Variants in RSC1A1 observed in about 807,000 individuals in gnomAD.
RSC1A1 encodes the protein regulatory solute carrier protein family 1 member 1.
RSC1A1 carries 6 observed loss-of-function variants against 7.7 expected under a neutral mutation model. That is an observed-to-expected ratio of 0.78 (90% CI 0.43 to 1.53). RSC1A1 has a LOEUF of 1.53. Ranked by LOEUF, RSC1A1 falls within the 40% of genes most tolerant of loss-of-function variation. The pLI, the probability that RSC1A1 is intolerant of heterozygous loss-of-function variation, is 0.01. For missense variants in RSC1A1, 729 were observed against 726.3 expected, an observed-to-expected ratio of 1.00 and a Z score of -0.04; for synonymous variants, 250 against 263.0, an observed-to-expected ratio of 0.95 and a Z score of 0.48.
Position 15,659,774 on chromosome 1 carries a change from G to C in RSC1A1, c.-95G>C. On this transcript the variant is annotated 5_prime_UTR_variant, in exon 1 of 1. Transcript: ENST00000345034. The stretch of plus-strand genomic sequence containing the variant: ...ACGCTGTTTAGATTTGTATCCTCTG[G>C]TAATTTAGTGGCATTAGTCACCTGC... The C allele has an allele frequency of 6.9e-7, 1 of 1,456,040 alleles. No individual in the cohort carries two copies. Among genetic ancestry groups the C allele is most frequent in the Non-Finnish European group, 9.0e-7 (1 of 1,105,558 alleles). The allele number at this position is 1,456,040 out of a possible 1,614,324, so 90.2% of individuals were successfully genotyped here.
chr1:15,659,821 C>T lies in RSC1A1; in HGVS notation c.-48C>T, dbSNP rs1486590914. ...CTGCTAATTAATCTTTTTCCTTTCC[C>T]CTGTGTTCCATATAGAGAAAAGTGG... On this transcript the variant is annotated 5_prime_UTR_variant, in exon 1 of 1. Transcript: ENST00000345034. 7.3e-6 allele frequency: 11 copies of T among 1,501,470 alleles called. No individual in the cohort carries two copies. The South Asian group carries it at 8.4e-5, about 11-fold the overall frequency. 93.0% of individuals were successfully genotyped at this position (1,501,470 alleles called of 1,614,324 possible).
rs946168584 is a variant in RSC1A1 at position 15,661,947 on chromosome 1, A to C, written c.*225A>C. 3.3e-5 allele frequency: 18 copies of C among 543,414 alleles called. No individual in the cohort carries two copies. The highest frequency in any genetic ancestry group is 2.5e-4 in the African/African-American group (13 of 51,974). 33.7% of individuals were successfully genotyped at this position (543,414 alleles called of 1,614,324 possible). ...TACTTGTTAAAATTTAGGCCTTTTT[A>C]AATGTATTGGCAGTATGTGCATACA... On this transcript the variant is annotated 3_prime_UTR_variant, in exon 1 of 1. Transcript: ENST00000345034.
Position 15,660,807 on chromosome 1 carries a change from A to G in RSC1A1, c.939A>G (p.Pro313=). Reference sequence around the variant, plus strand: ...TTTCCACTCAGGATTTACAGCCCCCAGAAACTAATGTTGAAATACCTGGAA... The same window carrying G: ...TTTCCACTCAGGATTTACAGCCCCCGGAAACTAATGTTGAAATACCTGGAA... ...DSISTQDLQP[P]ETNVEIPGTN... is the part of the protein sequence containing the mutation. Residue 313 remains proline (P), a synonymous_variant, in exon 1 of 1, where the codon CCA becomes CCG. Coordinates refer to ENST00000345034, the MANE Select transcript of RSC1A1 (RefSeq NM_006511.3). 6.2e-7 allele frequency: 1 copy of G among 1,614,192 alleles called. No individual in the cohort carries two copies. Among genetic ancestry groups the G allele is most frequent in the African/African-American group, 1.3e-5 (1 of 75,064 alleles).
chr1:15,661,783 T>C lies in RSC1A1; in HGVS notation c.*61T>C. 7.2e-6 allele frequency: 11 copies of C among 1,523,586 alleles called. No homozygotes were observed. The highest frequency in any genetic ancestry group is 9.7e-6 in the Non-Finnish European group (11 of 1,136,964). 94.4% of individuals were successfully genotyped at this position (1,523,586 alleles called of 1,614,324 possible). Reference sequence around the variant, plus strand: ...TTTAAACAAAAGAAAGCTCTCTCTATATACACGCACACATACACACTCACC... The same window carrying C: ...TTTAAACAAAAGAAAGCTCTCTCTACATACACGCACACATACACACTCACC... On this transcript the variant is annotated 3_prime_UTR_variant, in exon 1 of 1. Transcript: ENST00000345034.
Position 15,660,581 on chromosome 1 carries a change from A to G in RSC1A1, c.713A>G (p.Glu238Gly). Residue 238 changes from glutamate to glycine, a missense_variant, in exon 1 of 1, where the codon GAA (glutamate) becomes GGA (glycine). Glu to Gly is a moderately conservative substitution (Grantham distance 98). Coordinates refer to ENST00000345034, the MANE Select transcript of RSC1A1 (RefSeq NM_006511.3). ...PSAKKSIPSSECSGCSNSETF... is the reference protein window; with the variant it reads ...PSAKKSIPSSGCSGCSNSETF... ...GCGAAGAAAAGTATTCCATCTTCAG[A>G]ATGCAGTGGCTGCTCAAATTCAGAA... 1 of 1,613,820 alleles carries G rather than the reference A, an allele frequency of 6.2e-7. No individual in the cohort carries two copies. The highest frequency in any genetic ancestry group is 1.7e-4 in the Middle Eastern group (1 of 6,060).
rs1482387402 is a variant in RSC1A1 at position 15,661,564 on chromosome 1, A to G, written c.1696A>G (p.Ile566Val). 1.9e-6 allele frequency: 3 copies of G among 1,614,216 alleles called. No homozygotes were observed. The highest frequency in any genetic ancestry group is 1.6e-4 in the Middle Eastern group (1 of 6,062). ...CAGCCATCCATCATCAAGTCCTGCC[A>G]TTCTTCCACCATTGATTTTTCCTGC... is the stretch of plus-strand genomic sequence containing the variant. ...PTSHPSSSPA[I>V]LPPLIFPATD... The change falls in exon 1 of 1, where the codon ATT (isoleucine) becomes GTT (valine). Residue 566 changes from isoleucine (I) to valine (V), a missense_variant. Coordinates refer to ENST00000345034, the MANE Select transcript of RSC1A1 (RefSeq NM_006511.3).
chr1:15,660,776 A>G lies in RSC1A1; in HGVS notation c.908A>G (p.Asp303Gly). The G allele has an allele frequency of 6.2e-7, 1 of 1,613,938 alleles. No individual in the cohort carries two copies. Among genetic ancestry groups the G allele is most frequent in the Non-Finnish European group, 8.5e-7 (1 of 1,180,000 alleles). The change falls in exon 1 of 1, where the codon GAT (aspartate) becomes GGT (glycine). Residue 303 changes from aspartate (D) to glycine (G), a missense_variant. Coordinates refer to ENST00000345034, the MANE Select transcript of RSC1A1 (RefSeq NM_006511.3). ...AACCCTTCATCTGAAATTTTGAATG[A>G]TTCCATTTCCACTCAGGATTTACAG... Reference protein sequence around the residue: ...KCNPSSEILNDSISTQDLQPP... With the variant: ...KCNPSSEILNGSISTQDLQPP...
Position 15,661,695 on chromosome 1 carries a change from C to T in RSC1A1, c.1827C>T (p.Leu609=), listed in dbSNP as rs200228515. ...GNADLALLVL[L]AKNIVVPT ...CAGACCTTGCACTTCTTGTTTTGCT[C>T]GCAAAAAACATCGTAGTTCCTACAT... The change falls in exon 1 of 1, where the codon CTC becomes CTT. Residue 609 remains leucine, a synonymous_variant. Transcript: ENST00000345034. 6 of 1,608,380 alleles carry T rather than the reference C, an allele frequency of 3.7e-6. No homozygotes were observed. The highest frequency in any genetic ancestry group is 3.3e-5 in the South Asian group (3 of 90,256).
Position 15,660,428 on chromosome 1 carries a change from A to G in RSC1A1, c.560A>G (p.Gln187Arg), listed in dbSNP as rs1426749447. The G allele has an allele frequency of 2.5e-6, 4 of 1,613,964 alleles. No individual in the cohort carries two copies. The highest frequency in any genetic ancestry group is 1.3e-5 in the African/African-American group (1 of 74,924). ...EVAQQKASHD[Q>R]EYLCNIGDLE... Reference sequence around the variant, plus strand: ...GCACAACAAAAAGCTTCACATGACCAAGAATATCTTTGTAACATAGGGGAC... The same window carrying G: ...GCACAACAAAAAGCTTCACATGACCGAGAATATCTTTGTAACATAGGGGAC... The change falls in exon 1 of 1, where the codon CAA (glutamine) becomes CGA (arginine). Residue 187 changes from glutamine to arginine, a missense_variant. By Grantham distance (43) the Gln-to-Arg change is conservative. Coordinates refer to ENST00000345034, the MANE Select transcript of RSC1A1 (RefSeq NM_006511.3).
In RSC1A1 at chr1:15,661,418, A is replaced by G. The variant is rs1437118087; in HGVS notation, c.1550A>G (p.Asn517Ser). 11 of 1,614,058 alleles carry G rather than the reference A, an allele frequency of 6.8e-6. No homozygotes were observed. The highest frequency in any genetic ancestry group is 2.7e-5 in the African/African-American group (2 of 74,928). The change falls in exon 1 of 1, where the codon AAT (asparagine) becomes AGT (serine). Residue 517 changes from asparagine (N) to serine (S), a missense_variant. Transcript: ENST00000345034. ...GAGCAAACTAAGTCTTTGTCATCCA[A>G]TTTCATATTGGTTAAAGACTTAGGT... ...TSEQTKSLSSNFILVKDLGQG... is the reference protein window; with the variant it reads ...TSEQTKSLSSSFILVKDLGQG...
the RSC1A1 span, chr1:15,661,406 C>CT: frequency 2.3e-5 from 37 of 1,614,046 alleles, no homozygotes; most frequent in Admixed American, 6.2e-4. Flanking sequence ...CAAACTAAGT[C>CT]TTTGTCATCC....
Position 15,660,678 on chromosome 1 carries a change from C to G in RSC1A1, c.810C>G (p.Ala270=). Residue 270 remains alanine, a synonymous_variant, in exon 1 of 1, where the codon GCC becomes GCG. Transcript: ENST00000345034. ...TLLNSTGRQN[A]NVKNIGALDL... ...TTAATTCAACAGGCAGGCAGAATGC[C>G]AATGTCAAGAACATTGGTGCATTGG... 1 of 1,614,182 alleles carries G rather than the reference C, an allele frequency of 6.2e-7. No homozygotes were observed. The highest frequency in any genetic ancestry group is 8.5e-7 in the Non-Finnish European group (1 of 1,180,042).
chr1:15,659,928 TC>T, the RSC1A1 span: 1 of 1,613,184 alleles, frequency 6.2e-7, no homozygotes, highest in South Asian at 1.1e-5. Flanking sequence ...CAGGACAGAG[TC>T]CTGATGTTGG....
Position 15,661,546 on chromosome 1 carries a change from C to T in RSC1A1, c.1678C>T (p.Pro560Ser), listed in dbSNP as rs147909929. The part of the protein sequence containing the change: ...LLEYEPPTSH[P>S]SSSPAILPPL... Reference sequence around the variant, plus strand: ...TGAATATGAACCACCTACCAGCCATCCATCATCAAGTCCTGCCATTCTTCC... The same window carrying T: ...TGAATATGAACCACCTACCAGCCATTCATCATCAAGTCCTGCCATTCTTCC... The change falls in exon 1 of 1, where the codon CCA (proline) becomes TCA (serine). Residue 560 changes from proline (P) to serine (S), a missense_variant. Transcript: ENST00000345034. The T allele has an allele frequency of 1.6e-3, 2,535 of 1,614,198 alleles. 6 individuals carry two copies. Among genetic ancestry groups the T allele is most frequent in the Non-Finnish European group, 1.5e-3 (1,752 of 1,180,026 alleles).
Position 15,660,542 on chromosome 1 carries a change from T to G in RSC1A1, c.674T>G (p.Val225Gly). ...TMKGNGLPQN[V>G]DPPSAKKSIP... Reference sequence around the variant, plus strand: ...AAAGGAAATGGGCTCCCACAGAATGTGGATCCTCCAAGTGCGAAGAAAAGT... The same window carrying G: ...AAAGGAAATGGGCTCCCACAGAATGGGGATCCTCCAAGTGCGAAGAAAAGT... Residue 225 changes from valine (V) to glycine (G), a missense_variant, in exon 1 of 1, where the codon GTG becomes GGG. Physicochemically the swap from Val to Gly is moderately radical, Grantham distance 109. Coordinates refer to ENST00000345034, the MANE Select transcript of RSC1A1 (RefSeq NM_006511.3). 6.2e-7 allele frequency: 1 copy of G among 1,613,154 alleles called. No homozygotes were observed. The highest frequency in any genetic ancestry group is 8.5e-7 in the Non-Finnish European group (1 of 1,179,774).
rs1305067608 is a variant in RSC1A1, at chr1:15,660,127, G to A, written c.259G>A (p.Ala87Thr). 1 of 1,614,086 alleles carries A rather than the reference G, an allele frequency of 6.2e-7. No homozygotes were observed. The highest frequency in any genetic ancestry group is 1.3e-5 in the African/African-American group (1 of 74,920). The change falls in exon 1 of 1, where the codon GCT becomes ACT. Residue 87 changes from alanine (A) to threonine (T), a missense_variant. Coordinates refer to ENST00000345034, the MANE Select transcript of RSC1A1 (RefSeq NM_006511.3). ...LSDHASSADH[A>T]PTDQSPAMPM... ...TGATCATGCTTCCTCAGCAGACCATGCTCCAACAGACCAGAGTCCAGCTAT... is the reference window on the plus strand; with the variant it reads ...TGATCATGCTTCCTCAGCAGACCATACTCCAACAGACCAGAGTCCAGCTAT...
At chr1:15,660,855 C>A in the RSC1A1 span, 1 of 1,614,150 alleles carries the variant, frequency 6.2e-7, no homozygotes, top group Non-Finnish European at 8.5e-7. Flanking sequence ...ATGGCCATTA[C>A]TCCTCTCCAA....
At position 15,659,969 on chromosome 1, in the gene RSC1A1, C is replaced by T. The variant is rs1284622765; in HGVS notation, c.101C>T (p.Ser34Phe). The T allele has an allele frequency of 1.2e-6, 2 of 1,614,214 alleles. No homozygotes were observed. The highest frequency in any genetic ancestry group is 1.7e-6 in the Non-Finnish European group (2 of 1,180,032). ...CCTATGAGTCTTGCTCGCTCTGTCT[C>T]TGCTTCAGTCTGCCCTATCAAGCCC... ...GNPMSLARSV[S>F]ASVCPIKPSD... The change falls in exon 1 of 1, where the codon TCT (serine) becomes TTT (phenylalanine). Residue 34 changes from serine to phenylalanine, a missense_variant. Physicochemically the swap from Ser to Phe is radical, Grantham distance 155 (BLOSUM62 -2). Transcript: ENST00000345034.
rs190576412 is a variant in RSC1A1, at chr1:15,661,130, C to G, written c.1262C>G (p.Ser421Cys). The G allele has an allele frequency of 2.5e-6, 4 of 1,613,986 alleles. No individual in the cohort carries two copies. Among genetic ancestry groups the G allele is most frequent in the East Asian group, 2.2e-5 (1 of 44,890 alleles). The change falls in exon 1 of 1, where the codon TCT becomes TGT. Residue 421 changes from serine (S) to cysteine (C), a missense_variant. Ser to Cys is a moderately radical substitution (Grantham distance 112). Coordinates refer to ENST00000345034, the MANE Select transcript of RSC1A1 (RefSeq NM_006511.3). ...CAAGTCTCCTTTCATCAGGCCATAT[C>G]TGTATCAGTGGAGACAGAAAAATTA... Reference protein sequence around the residue: ...CPQVSFHQAISVSVETEKLTG... With the variant: ...CPQVSFHQAICVSVETEKLTG...
Sources: gnomAD v4.1 joint callset for allele counts on GRCh38, gnomAD v4.1.1 for gene constraint, MANE v1.5 for transcripts, NCBI Gene and HGNC (gene_info 2026-07-23, HGNC 2026-07-21) for gene names.